ATM: variants seen among roughly 807,000 people sequenced by gnomAD.
ATM encodes ATM serine/threonine kinase.
A neutral mutation model predicts 387.0 loss-of-function variants in ATM; 308 were observed. The observed-to-expected ratio is 0.80, with a 90% CI of 0.73 to 0.87. The LOEUF is 0.87. Among genes scored for constraint, ATM ranks in the 40% least tolerant of loss-of-function variants. ATM has a pLI of 0.00. For synonymous variants in ATM, 1,156 were observed against 1,187.3 expected, an observed-to-expected ratio of 0.97 and a Z score of 0.54; for missense variants, 3,312 against 3,560.9, an observed-to-expected ratio of 0.93 and a Z score of 1.78.
At chr11:108,304,067 G>A (rs568812620) in intron 36 of ATM, among the ~76,000 whole-genome samples, 5 of 152,142 alleles carry the variant, frequency 3.3e-5, no homozygotes, top group Admixed American at 6.6e-5. Context: ...TATGGAGTGC[G>A]GTGAATAGCA....
intron 22 of ATM, among the ~76,000 whole-genome samples, chr11:108,274,239 A>T (rs972870313): frequency 1.3e-5 from 2 of 151,552 alleles, no homozygotes; most frequent in Admixed American, 1.3e-4. Flanking sequence ...TTTTTTATTG[A>T]GTCTATTTGA....
Position 108,353,792 on chromosome 11 carries a change from C to T in ATM, c.8698C>T (p.Leu2900Phe), listed in dbSNP as rs2089496713. 1 of 1,614,044 alleles carries T rather than the reference C, an allele frequency of 6.2e-7. No homozygotes were observed. The change falls in exon 60 of 63, where the codon CTT (leucine) becomes TTT (phenylalanine). Residue 2900 changes from leucine to phenylalanine, a missense_variant. This residue lies in a region of ATM where 1,405 missense variants were observed against 1,604.4 expected (regional missense o/e 0.88). Coordinates refer to ENST00000675843, the MANE Select transcript of ATM (RefSeq NM_000051.4). ...LGVAFEQGKI[L>F]PTPETVPFRL... ...TGTTGCTTTTGAACAGGGCAAAATC[C>T]TTCCTACTCCTGAGACAGTTCCTTT...
chr11:108,277,805 G>C (rs987429432), intron 22 of ATM, among the ~76,000 whole-genome samples: 7 of 152,156 alleles, frequency 4.6e-5, no homozygotes, highest in African/African-American at 1.7e-4. Flanking sequence ...GGGAGCTGCA[G>C]ACCAGAACTG....
At chr11:108,272,302 G>A (rs2081625201) in intron 20 of ATM, among the ~76,000 whole-genome samples, 1 of 152,114 alleles carries the variant, frequency 6.6e-6, no homozygotes, top group Non-Finnish European at 1.5e-5. Flanking sequence ...CCCCAAAAAA[G>A]GACATAATGG....
Position 108,258,970 on chromosome 11 carries a change from T to A in ATM, c.2377-16T>A, listed in dbSNP as rs1009142114. 14 of 1,602,236 alleles carry A rather than the reference T, an allele frequency of 8.7e-6. No individual in the cohort carries two copies. The highest frequency in any genetic ancestry group is 9.4e-6 in the Non-Finnish European group (11 of 1,169,520). On this transcript the variant is annotated splice_polypyrimidine_tract_variant and intron_variant, in intron 15 of 62. Coordinates refer to ENST00000675843, the MANE Select transcript of ATM (RefSeq NM_000051.4). ...TATTTCTTTGTTGCTTGGTTCTTTG[T>A]TTGTCTTAATTGCAGAAGAGTCCAA...
At position 108,366,815 on chromosome 11, in the gene ATM, A is replaced by C. The variant is rs2091357915; in HGVS notation, c.*1307A>C. ...ATAAGCTTCCATGTGTCCCACCTTT[A>C]TGGCAGGGGTGGAAGGAGGTACATT... On this transcript the variant is annotated 3_prime_UTR_variant, in exon 63 of 63. Coordinates refer to ENST00000675843, the MANE Select transcript of ATM (RefSeq NM_000051.4). The C allele has an allele frequency of 1.3e-5, 3 of 229,526 alleles. No individual in the cohort carries two copies. In the South Asian group the frequency reaches 5.4e-4, roughly 42 times the overall value. The allele number at this position is 229,526 out of a possible 1,614,324, so 14.2% of individuals were successfully genotyped here.
At chr11:108,336,314 G>A in intron 56 of ATM, 4 of 174,636 alleles carry the variant, frequency 2.3e-5, no homozygotes, top group African/African-American at 2.4e-5. Flanking sequence ...GTTTAAAAAA[G>A]AAGAAGAAGA....
chr11:108,315,936 G>A (rs769865854), intron 41 of ATM, 25 bp downstream of exon 41: 9 of 1,606,172 alleles, frequency 5.6e-6, no homozygotes, highest in Admixed American at 5.0e-5. Context: ...TCTAAACAAC[G>A]GTATAGTAAT....
At chr11:108,279,373 A>G (rs2082104726) in intron 22 of ATM, 118 bp from the exon 23 acceptor site, 1 of 753,362 alleles carries the variant, frequency 1.3e-6, no homozygotes, top group African/African-American at 1.7e-5. Flanking sequence ...AAGAGCTAGT[A>G]TGTTATTATG....
At chr11:108,315,344 A>G (rs1414475841) in intron 40 of ATM, among the ~76,000 whole-genome samples, 1 of 152,226 alleles carries the variant, frequency 6.6e-6, no homozygotes, top group Non-Finnish European at 1.5e-5. Flanking sequence ...TTAACCACAA[A>G]TAATGCTGTG....
intron 61 of ATM, among the ~76,000 whole-genome samples, chr11:108,359,532 C>A (rs2090454091): frequency 1.3e-5 from 2 of 152,008 alleles, no homozygotes; most frequent in African/African-American, 4.8e-5. Context: ...CCAAAATTGA[C>A]CCCATAGTTG....
At position 108,271,407 on chromosome 11, in the gene ATM, G is replaced by A. The variant is rs192810283; in HGVS notation, c.3077+1G>A. On this transcript the variant is annotated splice_donor_variant, in intron 20 of 62. Transcript: ENST00000675843. LOFTEE classifies it high-confidence loss of function. ...TTCTTACAGTAATTGGAGCATTTTG[G>A]TAGGTACAGTCTATTTTGTGGTCCT... is the stretch of plus-strand genomic sequence containing the variant. The A allele has an allele frequency of 6.2e-7, 1 of 1,613,934 alleles. No homozygotes were observed. The highest frequency in any genetic ancestry group is 8.5e-7 in the Non-Finnish European group (1 of 1,179,964).
chr11:108,254,126 A>T, intron 13 of ATM, 87 bp downstream of exon 13: 2 of 1,307,172 alleles, frequency 1.5e-6, no homozygotes, highest in Non-Finnish European at 2.2e-6. Flanking sequence ...CAGGAAAAAC[A>T]GCAAGGATGG....
intron 15 of ATM, among the ~76,000 whole-genome samples, chr11:108,258,628 T>C (rs2080658956): frequency 2.0e-5 from 3 of 152,202 alleles, no homozygotes; most frequent in South Asian, 4.1e-4. Flanking sequence ...AAACCTAGTA[T>C]TAGGTACATG....
intron 49 of ATM, 107 bp downstream of exon 49, chr11:108,329,345 T>C: frequency 9.5e-7 from 1 of 1,051,132 alleles, no homozygotes; most frequent in Non-Finnish European, 1.4e-6. Context: ...AGTTTTGAGC[T>C]CTAAAGGTCG....
In ATM at chr11:108,325,365, CA is replaced by C. The variant is rs2085556498; in HGVS notation, c.6629del (p.Gln2210ArgfsTer25). ...EVYIKWQKHS[Q>X]LLKDSDFSFQ... ...ATATATTAAGTGGCAGAAACACTCC[CA>C]GCTTCTCAAGGACAGTGATTTTAGT... On this transcript the variant is annotated frameshift_variant, in exon 46 of 63. Coordinates refer to ENST00000675843, the MANE Select transcript of ATM (RefSeq NM_000051.4). LOFTEE classifies it high-confidence loss of function. 6.2e-7 allele frequency: 1 copy of C among 1,613,062 alleles called. No individual in the cohort carries two copies. The highest frequency in any genetic ancestry group is 8.5e-7 in the Non-Finnish European group (1 of 1,179,826).
rs748141793 is a variant in ATM at position 108,366,912 on chromosome 11, G to A, written c.*1404G>A. The A allele has an allele frequency of 2.2e-5, 5 of 225,392 alleles. No homozygotes were observed. Among genetic ancestry groups the A allele is most frequent in the Admixed American group, 5.7e-5 (1 of 17,508 alleles). The allele number at this position is 225,392 out of a possible 1,614,324, so 14.0% of individuals were successfully genotyped here. ...CATATAGATGTCTAAGCTAAAAGCC[G>A]TGGGTTAATGAGACTGGCAAATTGT... On this transcript the variant is annotated 3_prime_UTR_variant, in exon 63 of 63. Transcript: ENST00000675843.
Position 108,320,075 on chromosome 11 carries a change from A to G in ATM, c.6452+17A>G, listed in dbSNP as rs371044809. On this transcript the variant is annotated intron_variant, in intron 44 of 62. Transcript: ENST00000675843. ...ATATGCCAGGTATTATGAAAAGACA[A>G]AGTTACTGTATTTTAACATTTAATG... 9 of 1,518,804 alleles carry G rather than the reference A, an allele frequency of 5.9e-6. No individual in the cohort carries two copies. In the African/African-American group the frequency reaches 9.6e-5, roughly 16 times the overall value. The allele number at this position is 1,518,804 out of a possible 1,614,324, so 94.1% of individuals were successfully genotyped here. A position where few individuals can be genotyped will look rare whatever the true frequency, so the allele number is the denominator to read the frequency against.
chr11:108,271,410 G>A lies in ATM; in HGVS notation c.3077+4G>A, dbSNP rs201222237. On this transcript the variant is annotated splice_donor_region_variant and intron_variant, in intron 20 of 62. Coordinates refer to ENST00000675843, the MANE Select transcript of ATM (RefSeq NM_000051.4). ...TTACAGTAATTGGAGCATTTTGGTA[G>A]GTACAGTCTATTTTGTGGTCCTATT... 2.7e-5 allele frequency: 44 copies of A among 1,613,952 alleles called. No individual in the cohort carries two copies. The African/African-American group carries it at 5.5e-4, about 20-fold the overall frequency.
Sources: allele counts gnomAD v4.1 joint callset (sites outside exome capture counted in the v4.1 genomes callset), GRCh38; gene constraint gnomAD v4.1.1; regional missense constraint gnomAD v4.1.1; transcripts MANE v1.5; gene names NCBI Gene and HGNC (gene_info 2026-07-23, HGNC 2026-07-21).